The following CHMP4B variants were observed in gnomAD, a reference collection of about 807,000 sequenced individuals.
CHMP4B encodes the protein charged multivesicular body protein 4B.
A neutral mutation model predicts 25.1 loss-of-function variants in CHMP4B; 1 was observed. The observed-to-expected ratio is 0.04, with a 90% CI of 0.01 to 0.19. The LOEUF (loss-of-function observed/expected upper bound fraction) is 0.19. CHMP4B is among the 10% of genes least tolerant of loss of function. The pLI is 1.00. For missense variants in CHMP4B, 151 were observed against 289.7 expected (o/e 0.52, Z 3.48); for synonymous variants, 101 against 115.6 (o/e 0.87, Z 0.81).
Position 33,852,177 on chromosome 20 carries a change from C to T in CHMP4B, c.584C>T (p.Pro195Leu). 1.2e-6 allele frequency: 2 copies of T among 1,614,166 alleles called. No individual in the cohort carries two copies. The highest frequency in any genetic ancestry group is 1.7e-6 in the Non-Finnish European group (2 of 1,180,026). Residue 195 changes from proline to leucine, a missense_variant, in exon 4 of 5, where the codon CCC becomes CTC. By Grantham distance (98) the Pro-to-Leu change is moderately conservative (BLOSUM62 -3). Transcript: ENST00000217402. Reference sequence around the variant, plus strand: ...GAAACAGTCCCTCTACCAAATGTTCCCTCTATAGCCCTACCATCAAAACCC... The same window carrying T: ...GAAACAGTCCCTCTACCAAATGTTCTCTCTATAGCCCTACCATCAAAACCC... ...GPETVPLPNVPSIALPSKPAK... is the reference protein window; with the variant it reads ...GPETVPLPNVLSIALPSKPAK...
At chr20:33,824,048 A>G (rs1026920165) in intron 1 of CHMP4B, among the ~76,000 whole-genome samples, 2 of 152,206 alleles carry the variant, frequency 1.3e-5, no homozygotes, top group African/African-American at 4.8e-5. Context: ...ATCAATTTTT[A>G]TAATATTCCC....
chr20:33,825,431 C>G (rs1979068957), intron 1 of CHMP4B, among the ~76,000 whole-genome samples: 1 of 152,024 alleles, frequency 6.6e-6, no homozygotes, highest in South Asian at 2.1e-4. Context: ...CACTGTGAAC[C>G]CTATGAGCTC....
chr20:33,846,254 C>G (rs60852187), intron 1 of CHMP4B, among the ~76,000 whole-genome samples: 2,247 of 152,300 alleles, frequency 0.015, 50 homozygotes, highest in African/African-American at 0.051. Flanking sequence ...CCTCAGTTTC[C>G]TCATCAACTA....
intron 1 of CHMP4B, among the ~76,000 whole-genome samples, chr20:33,836,876 CTG>C (rs1323366528): frequency 6.6e-6 from 1 of 152,254 alleles, no homozygotes; most frequent in East Asian, 1.9e-4. Context: ...GTCTCAAAAA[CTG>C]TTAATTCATT....
chr20:33,852,023 C>T (rs1423787807), intron 3 of CHMP4B, 54 bp from the exon 4 acceptor site: 19 of 1,611,650 alleles, frequency 1.2e-5, no homozygotes, highest in East Asian at 2.2e-5. Context: ...GAGGCATGAC[C>T]GCGGGGGCTG....
intron 1 of CHMP4B, among the ~76,000 whole-genome samples, chr20:33,842,354 A>G (rs142083039): frequency 2.9e-4 from 44 of 152,244 alleles, no homozygotes; most frequent in African/African-American, 1.0e-3. Flanking sequence ...AGGGCAGATG[A>G]CAGATCACAG....
chr20:33,811,774 G>A (rs1303211413), intron 1 of CHMP4B, 116 bp downstream of exon 1: 18 of 1,083,462 alleles, frequency 1.7e-5, no homozygotes, highest in Non-Finnish European at 2.3e-5. Flanking sequence ...AACTCTCCGG[G>A]TCAGACTTCT....
chr20:33,824,720 T>A (rs1053687059), intron 1 of CHMP4B, among the ~76,000 whole-genome samples: 1 of 152,134 alleles, frequency 6.6e-6, no homozygotes, highest in African/African-American at 2.4e-5. Flanking sequence ...TGGGACTGTC[T>A]TGTGTATTGT....
intron 1 of CHMP4B, among the ~76,000 whole-genome samples, chr20:33,818,859 C>T (rs1405227270): frequency 6.6e-6 from 1 of 152,134 alleles, no homozygotes; most frequent in African/African-American, 2.4e-5. Context: ...GCTTCTGTTC[C>T]TTCCTTTTTA....
intron 1 of CHMP4B, 86 bp downstream of exon 1, chr20:33,811,744 G>A: frequency 7.2e-7 from 1 of 1,390,400 alleles, no homozygotes; most frequent in Non-Finnish European, 1.0e-6. Context: ...GACTCGCCTC[G>A]GGGTCTGGTC....
intron 1 of CHMP4B, among the ~76,000 whole-genome samples, chr20:33,819,054 C>T (rs1978862403): frequency 6.6e-6 from 1 of 152,164 alleles, no homozygotes; most frequent in African/African-American, 2.4e-5. Flanking sequence ...GAATTACAGG[C>T]ATGCGCCACC....
At chr20:33,819,795 CA>C (rs1265264810) in intron 1 of CHMP4B, among the ~76,000 whole-genome samples, 3 of 152,094 alleles carry the variant, frequency 2.0e-5, no homozygotes, top group African/African-American at 7.2e-5. Flanking sequence ...TCTTTAGCTA[CA>C]AAAATGGAAT....
intron 1 of CHMP4B, among the ~76,000 whole-genome samples, chr20:33,822,949 G>A (rs540560641): frequency 2.4e-4 from 36 of 151,560 alleles, no homozygotes; most frequent in African/African-American, 8.0e-4. Flanking sequence ...CCACCACGCC[G>A]GGCTAATTTT....
At chr20:33,833,116 G>A (rs1263103039) in intron 1 of CHMP4B, among the ~76,000 whole-genome samples, 5 of 152,228 alleles carry the variant, frequency 3.3e-5, no homozygotes, top group African/African-American at 1.2e-4. Context: ...GACCCACTCT[G>A]AAGTCCCTGA....
chr20:33,821,208 G>A lies in CHMP4B; in HGVS notation c.190+9550G>A, dbSNP rs552626955. 9.2e-5 allele frequency among the ~76,000 whole-genome samples: 14 copies of A among 151,958 alleles called. No individual in the cohort carries two copies. In the East Asian group the frequency reaches 1.2e-3, roughly 13 times the overall value. The stretch of plus-strand genomic sequence containing the variant: ...TCGAGACTAGCCTGGCCAGCAAGGC[G>A]AAACCCCATCTCTACTAAAAATACA... On this transcript the variant is annotated intron_variant, in intron 1 of 4. Transcript: ENST00000217402.
intron 1 of CHMP4B, 136 bp from the exon 2 acceptor site, chr20:33,848,331 T>C: frequency 1.2e-6 from 1 of 855,304 alleles, no homozygotes; most frequent in Non-Finnish European, 1.9e-6. Context: ...GCTCTTTGTG[T>C]AGAATTTATG....
intron 3 of CHMP4B, 151 bp downstream of exon 3, chr20:33,851,217 G>A: frequency 1.4e-6 from 1 of 700,806 alleles, no homozygotes; most frequent in South Asian, 1.5e-5. Context: ...TGCATTTTGA[G>A]GGACACTTTC....
chr20:33,828,901 CA>C lies in CHMP4B; in HGVS notation c.190+17244del, dbSNP rs1333409812. On this transcript the variant is annotated intron_variant, in intron 1 of 4. Transcript: ENST00000217402. The stretch of plus-strand genomic sequence containing the variant: ...GATATGAGAACATTCCAGCACTCAG[CA>C]GTCTGGAGGGTTTATAGCAGTCTAG... Among the ~76,000 whole-genome samples, 4 of 152,052 alleles carry C rather than the reference CA, an allele frequency of 2.6e-5. No homozygotes were observed. In the East Asian group the frequency reaches 7.7e-4, roughly 29 times the overall value.
intron 1 of CHMP4B, among the ~76,000 whole-genome samples, chr20:33,841,402 T>A (rs979270902): frequency 6.6e-6 from 1 of 152,222 alleles, no homozygotes; most frequent in African/African-American, 2.4e-5. Flanking sequence ...ACTCTCCAGC[T>A]GTGTGGGAAT....
Sources: gnomAD v4.1 joint callset for allele counts (sites outside exome capture counted in the v4.1 genomes callset) on GRCh38, gnomAD v4.1.1 for gene constraint, MANE v1.5 for transcripts, NCBI Gene and HGNC (gene_info 2026-07-23, HGNC 2026-07-21) for gene names.